The following RPGRIP1 variants were observed in gnomAD, a reference collection of about 807,000 sequenced individuals.
The protein encoded by RPGRIP1 is RPGR interacting protein 1.
In RPGRIP1, 128 loss-of-function variants were observed where a neutral mutation model predicts 157.9. That is an observed-to-expected ratio of 0.81 (90% CI 0.70 to 0.94). RPGRIP1 has a LOEUF of 0.94. RPGRIP1 is among the 40% of genes least tolerant of loss of function. The pLI, the probability that RPGRIP1 is intolerant of heterozygous loss-of-function variation, is 0.00. For missense variants in RPGRIP1, 1,486 were observed against 1,545.8 expected (o/e 0.96, Z 0.65); for synonymous variants, 554 against 571.6 (o/e 0.97, Z 0.44).
chr14:21,324,140 T>C (rs1230145156), intron 14 of RPGRIP1: 1 of 189,450 alleles, frequency 5.3e-6, no homozygotes, highest in Non-Finnish European at 1.1e-5. Flanking sequence ...CTGACTGACC[T>C]GGCTAGAGAA....
At chr14:21,346,784 G>A (rs1050309664) in intron 23 of RPGRIP1, among the ~76,000 whole-genome samples, 3 of 152,166 alleles carry the variant, frequency 2.0e-5, no homozygotes, top group African/African-American at 7.2e-5. Context: ...CAGTCCTCCT[G>A]CCCTGCCTCC....
Position 21,306,088 on chromosome 14 carries a change from G to A in RPGRIP1, c.801-1643G>A, listed in dbSNP as rs79814600. 6.0e-5 allele frequency among the ~76,000 whole-genome samples: 8 copies of A among 133,876 alleles called. No homozygotes were observed. The East Asian group carries it at 1.9e-3, about 31-fold the overall frequency. 87.8% of individuals were successfully genotyped at this position (133,876 alleles called of 152,430 possible). ...CTTTCAAACAATAAAGAAAACGTGA[G>A]CTCCTAGGTTCAGGAATAATAGTCT... On this transcript the variant is annotated intron_variant, in intron 6 of 24. Coordinates refer to ENST00000400017, the MANE Select transcript of RPGRIP1 (RefSeq NM_020366.4).
intron 17 of RPGRIP1, among the ~76,000 whole-genome samples, chr14:21,326,960 G>GTCAA (rs907527080): frequency 5.3e-5 from 8 of 152,198 alleles, no homozygotes; most frequent in African/African-American, 1.4e-4. Flanking sequence ...ACCAAGAGGG[G>GTCAA]TCAACTCTTT....
chr14:21,334,654 C>A lies in RPGRIP1; in HGVS notation c.3288C>A (p.Thr1096=). 6.2e-7 allele frequency: 1 copy of A among 1,608,720 alleles called. No individual in the cohort carries two copies. Residue 1096 remains threonine (T), a synonymous_variant, in exon 21 of 25, where the codon ACC becomes ACA. Transcript: ENST00000400017. ...CTGAAGTCAGTGAAGCACAAACTAC[C>A]GACAGTGATGATGTCATAGTGCCAC... ...QGSEVSEAQT[T]DSDDVIVPPM...
intron 14 of RPGRIP1, among the ~76,000 whole-genome samples, chr14:21,322,992 T>G (rs1286658030): frequency 6.6e-6 from 1 of 152,194 alleles, no homozygotes; most frequent in Non-Finnish European, 1.5e-5. Flanking sequence ...AAGCTGATAT[T>G]TAAACCCAAA....
intron 12 of RPGRIP1, 57 bp downstream of exon 12, chr14:21,320,234 C>G (rs1348687344): frequency 6.2e-6 from 9 of 1,443,316 alleles, no homozygotes; most frequent in African/African-American, 2.9e-5. Context: ...TGGCAAATAT[C>G]TCTAGGGAAG....
chr14:21,281,274 G>C (rs1006356254), intron 1 of RPGRIP1, among the ~76,000 whole-genome samples: 5 of 152,006 alleles, frequency 3.3e-5, no homozygotes, highest in African/African-American at 9.7e-5. Flanking sequence ...TGCCCGCCTT[G>C]GCCTCCCAAA....
At chr14:21,338,115 A>G (rs1270742701) in intron 21 of RPGRIP1, among the ~76,000 whole-genome samples, 2 of 151,982 alleles carry the variant, frequency 1.3e-5, no homozygotes, top group Non-Finnish European at 2.9e-5. Context: ...ATGGGGTTTC[A>G]CCGTGTTAGC....
In RPGRIP1 at chr14:21,321,929, C is replaced by G. The variant is rs776963292; in HGVS notation, c.1687C>G (p.Arg563Gly). The G allele has an allele frequency of 3.1e-6, 5 of 1,613,374 alleles. No homozygotes were observed. Among genetic ancestry groups the G allele is most frequent in the Middle Eastern group, 1.6e-4 (1 of 6,062 alleles). Residue 563 changes from arginine (R) to glycine (G), a missense_variant, in exon 14 of 25, where the codon CGA becomes GGA. By Grantham distance (125) the Arg-to-Gly change is moderately radical. Transcript: ENST00000400017. ...DHKEKLERLT[R>G]LLDLKNNRIK... The stretch of plus-strand genomic sequence containing the variant: ...CAAAGAAAAGCTGGAGAGGTTGACT[C>G]GACTACTAGACCTCAAGAATAACCG...
At chr14:21,302,374 G>T (rs567257448) in intron 4 of RPGRIP1, 114 bp from the exon 5 acceptor site, 6 of 485,428 alleles carry the variant, frequency 1.2e-5, no homozygotes, top group African/African-American at 1.2e-4. Flanking sequence ...TGTCATACAA[G>T]GGTTTCACCC....
At chr14:21,285,670 A>G (rs1308377881) in intron 1 of RPGRIP1, among the ~76,000 whole-genome samples, 1 of 150,598 alleles carries the variant, frequency 6.6e-6, no homozygotes, top group Non-Finnish European at 1.5e-5. Context: ...GCAAGTGGTG[A>G]GGAGTGTTGT....
Position 21,303,512 on chromosome 14 carries a change from T to C in RPGRIP1, c.769T>C (p.Leu257=), listed in dbSNP as rs537769664. The change falls in exon 6 of 25, where the codon TTG becomes CTG. Residue 257 remains leucine, a synonymous_variant. Coordinates refer to ENST00000400017, the MANE Select transcript of RPGRIP1 (RefSeq NM_020366.4). Reference sequence around the variant, plus strand: ...TGAAAATTTTGAACAGAGAAGCTCATTGGAGTGTGCTCAGAAGGCTGCAGA... The same window carrying C: ...TGAAAATTTTGAACAGAGAAGCTCACTGGAGTGTGCTCAGAAGGCTGCAGA... ...KDENFEQRSS[L]ECAQKAAELR... 6.2e-6 allele frequency: 10 copies of C among 1,613,854 alleles called. No individual in the cohort carries two copies. In the South Asian group the frequency reaches 7.7e-5, roughly 12 times the overall value.
At chr14:21,300,003 T>C (rs767350659) in intron 3 of RPGRIP1, among the ~76,000 whole-genome samples, 1 of 152,114 alleles carries the variant, frequency 6.6e-6, no homozygotes, top group Non-Finnish European at 1.5e-5. Flanking sequence ...TTAAACTTAA[T>C]AACCTCCAAA....
chr14:21,345,005 A>C, intron 22 of RPGRIP1, 108 bp from the exon 23 acceptor site: 2 of 728,558 alleles, frequency 2.7e-6, no homozygotes, highest in Non-Finnish European at 2.5e-6. Flanking sequence ...CCAGGCAAGG[A>C]GTCTAATCTT....
intron 21 of RPGRIP1, among the ~76,000 whole-genome samples, chr14:21,337,566 C>T (rs570694556): frequency 9.9e-5 from 15 of 150,950 alleles, no homozygotes; most frequent in East Asian, 9.8e-4. Flanking sequence ...CACAGGCTCC[C>T]GAGTAGCTGG....
At chr14:21,309,313 A>G (rs1434677620) in intron 7 of RPGRIP1, among the ~76,000 whole-genome samples, 2 of 152,058 alleles carry the variant, frequency 1.3e-5, no homozygotes, top group Non-Finnish European at 2.9e-5. Context: ...GGAATTCGAG[A>G]CCAGCCCAGA....
intron 10 of RPGRIP1, among the ~76,000 whole-genome samples, chr14:21,315,709 A>G (rs1177251769): frequency 6.6e-6 from 1 of 152,026 alleles, no homozygotes; most frequent in Non-Finnish European, 1.5e-5. Flanking sequence ...TTCATCACTC[A>G]AAATACTATT....
At chr14:21,317,486 T>A (rs1233243899) in intron 10 of RPGRIP1, 2 of 1,278,952 alleles carry the variant, frequency 1.6e-6, no homozygotes, top group Non-Finnish European at 2.1e-6. Context: ...ATCTGAGACC[T>A]AAACAGAAAT....
rs1566377110 is a variant in RPGRIP1, at chr14:21,351,258, C to T, written c.*42C>T. 4 of 1,273,128 alleles carry T rather than the reference C, an allele frequency of 3.1e-6. No homozygotes were observed. The Admixed American group carries it at 5.9e-5, about 19-fold the overall frequency. The allele number at this position is 1,273,128 out of a possible 1,614,324, so 78.9% of individuals were successfully genotyped here. A position where few individuals can be genotyped will look rare whatever the true frequency, so the allele number is the denominator to read the frequency against. On this transcript the variant is annotated 3_prime_UTR_variant, in exon 25 of 25. Transcript: ENST00000400017. ...CCAATCTAAAAGTCTCTGAGGGAAC[C>T]ATAGTAAAAAGTCTCTTATAAAGTT...
Sources: allele counts gnomAD v4.1 joint callset (sites outside exome capture counted in the v4.1 genomes callset), GRCh38; gene constraint gnomAD v4.1.1; transcripts MANE v1.5; gene names NCBI Gene and HGNC (gene_info 2026-07-23, HGNC 2026-07-21).